AUTS2: variants seen among roughly 807,000 people sequenced by gnomAD.
AUTS2 encodes the protein autism susceptibility gene 2 protein.
Under a neutral mutation model 112.4 loss-of-function variants are expected in AUTS2, and 17 were observed. The observed-to-expected ratio is 0.15, with a 90% CI of 0.10 to 0.23. The LOEUF (loss-of-function observed/expected upper bound fraction) is 0.23, where lower values mean the gene tolerates loss of function less well. AUTS2 is among the 10% of genes least tolerant of loss of function. The pLI is 1.00. For synonymous variants in AUTS2, 751 were observed against 702.7 expected (o/e 1.07, Z -1.09); for missense variants, 1,510 against 1,701.6 (o/e 0.89, Z 1.98).
At chr7:70,670,910 G>A (rs1428562847) in intron 5 of AUTS2, among the ~76,000 whole-genome samples, 2 of 152,302 alleles carry the variant, frequency 1.3e-5, no homozygotes, top group South Asian at 2.1e-4. Flanking sequence ...GGTGGCTCAC[G>A]CATGTAGTCC....
chr7:70,656,429 A>G (rs1488184440), intron 5 of AUTS2, among the ~76,000 whole-genome samples: 4 of 151,644 alleles, frequency 2.6e-5, no homozygotes, highest in African/African-American at 7.3e-5. Context: ...AATATTATGT[A>G]TATAAAATTA....
At chr7:69,697,509 T>C (rs991212150) in intron 1 of AUTS2, among the ~76,000 whole-genome samples, 5 of 152,214 alleles carry the variant, frequency 3.3e-5, no homozygotes, top group East Asian at 3.9e-4. Flanking sequence ...GTAGGCTTTC[T>C]AGATTTGCTA....
Position 70,790,110 on chromosome 7 carries a change from G to C in AUTS2, c.2894G>C (p.Arg965Pro), listed in dbSNP as rs565156541. The C allele has an allele frequency of 2.4e-5, 38 of 1,596,508 alleles. No homozygotes were observed. The highest frequency in any genetic ancestry group is 3.2e-5 in the Non-Finnish European group (38 of 1,172,866). The stretch of plus-strand genomic sequence containing the variant: ...ACCTCGAGCCGGGAGGCCGAGCCGC[G>C]CAAGGGTGAGCCGGCCTACGAGAAC... ...NSTSSREAEPRKGEPAYENPK... is the reference protein window; with the variant it reads ...NSTSSREAEPPKGEPAYENPK... Residue 965 changes from arginine (R) to proline (P), a missense_variant, in exon 19 of 19, where the codon CGC becomes CCC. By Grantham distance (103) the Arg-to-Pro change is moderately radical. Around this residue, in one of 3 missense-constraint regions of AUTS2, gnomAD observed 788 missense variants for 797.6 expected, o/e 0.99. Coordinates refer to ENST00000342771, the MANE Select transcript of AUTS2 (RefSeq NM_015570.4). This position sits in a 1 kb window ranked among gnomAD's most constrained non-coding sequence, Gnocchi z 7.6.
chr7:70,612,227 C>T (rs1381523705), intron 5 of AUTS2, among the ~76,000 whole-genome samples: 2 of 152,200 alleles, frequency 1.3e-5, no homozygotes, highest in Admixed American at 6.5e-5. Flanking sequence ...TGAACCATCT[C>T]AGCATCAGAA....
intron 1 of AUTS2, among the ~76,000 whole-genome samples, chr7:69,672,606 C>T (rs569897950): frequency 2.6e-5 from 4 of 152,126 alleles, no homozygotes; most frequent in Non-Finnish European, 5.9e-5. Context: ...TAGAACATGT[C>T]GAGGAGAGGA....
intron 2 of AUTS2, among the ~76,000 whole-genome samples, chr7:69,997,737 G>A (rs1799011135): frequency 6.6e-6 from 1 of 152,108 alleles, no homozygotes; most frequent in African/African-American, 2.4e-5. Flanking sequence ...AGAACACCAA[G>A]CCATTCATGA....
intron 4 of AUTS2, among the ~76,000 whole-genome samples, chr7:70,296,774 G>T (rs141241184): frequency 2.5e-3 from 379 of 150,754 alleles, no homozygotes; most frequent in Middle Eastern, 6.9e-3. Flanking sequence ...ATTTCTTTTA[G>T]TTCTATTACT....
intron 2 of AUTS2, among the ~76,000 whole-genome samples, chr7:70,068,273 G>T (rs1358245191): frequency 6.6e-6 from 1 of 151,470 alleles, no homozygotes; most frequent in South Asian, 2.1e-4. Flanking sequence ...CCCATCCCAG[G>T]TTCACACCAT....
At chr7:70,310,164 G>A (rs998218261) in intron 4 of AUTS2, among the ~76,000 whole-genome samples, 4 of 148,990 alleles carry the variant, frequency 2.7e-5, no homozygotes, top group African/African-American at 7.4e-5. Context: ...AGATTTTCAC[G>A]TTTAGATGCC....
At chr7:70,377,333 T>A (rs1256326164) in intron 4 of AUTS2, among the ~76,000 whole-genome samples, 4 of 43,304 alleles carry the variant, frequency 9.2e-5, no homozygotes, top group Admixed American at 4.6e-4. Flanking sequence ...TAAATATATA[T>A]ATATATATAT....
chr7:70,739,068 C>T (rs1167628168), intron 6 of AUTS2, among the ~76,000 whole-genome samples: 3 of 118,150 alleles, frequency 2.5e-5, no homozygotes, highest in African/African-American at 9.8e-5. Context: ...CTCTGTTGCC[C>T]AGGCTGGAGC....
chr7:70,575,201 A>G (rs1802108750), intron 5 of AUTS2, among the ~76,000 whole-genome samples: 1 of 152,194 alleles, frequency 6.6e-6, no homozygotes, highest in Non-Finnish European at 1.5e-5. Flanking sequence ...GTTTTAATTA[A>G]ATCTACTGAG....
rs182690128 is a variant in AUTS2, at chr7:70,602,834, G to A, written c.691-95735G>A. On this transcript the variant is annotated intron_variant, in intron 5 of 18. Transcript: ENST00000342771. ...GATAATGATTTTCTTTCGTCTGTTC[G>A]CCCTGAGTTCTCTAGCGTATACCCT... is the stretch of plus-strand genomic sequence containing the variant. Among the ~76,000 whole-genome samples the A allele has an allele frequency of 4.6e-5, 7 of 152,246 alleles. No homozygotes were observed. In the East Asian group the frequency reaches 7.7e-4, roughly 17 times the overall value.
intron 1 of AUTS2, among the ~76,000 whole-genome samples, chr7:69,825,117 T>C (rs1791183140): frequency 6.6e-6 from 1 of 152,218 alleles, no homozygotes; most frequent in African/African-American, 2.4e-5. Context: ...TACATAGTTA[T>C]CTTTTTAATA....
chr7:70,495,148 T>C (rs529186595), intron 5 of AUTS2, among the ~76,000 whole-genome samples: 11 of 150,274 alleles, frequency 7.3e-5, no homozygotes, highest in Non-Finnish European at 1.6e-4. Flanking sequence ...CAAAAGTCTC[T>C]CAGTTACCCA....
intron 5 of AUTS2, among the ~76,000 whole-genome samples, chr7:70,475,597 C>T (rs1189391914): frequency 6.6e-6 from 1 of 152,194 alleles, no homozygotes; most frequent in Admixed American, 6.5e-5. Flanking sequence ...TCAATTACAA[C>T]TTACTAAGTC....
intron 1 of AUTS2, among the ~76,000 whole-genome samples, chr7:69,695,190 G>GAAA (rs1403815269): frequency 6.6e-5 from 10 of 151,992 alleles, no homozygotes; most frequent in Non-Finnish European, 1.3e-4. Flanking sequence ...AAAGTCACAT[G>GAAA]TGGTGGCACA....
At chr7:70,334,110 A>G (rs1007573315) in intron 4 of AUTS2, among the ~76,000 whole-genome samples, 2 of 152,198 alleles carry the variant, frequency 1.3e-5, no homozygotes, top group African/African-American at 4.8e-5. Context: ...CCCTGGGTAG[A>G]ACTTCCAGTG....
At chr7:70,561,428 C>T (rs1801481063) in intron 5 of AUTS2, among the ~76,000 whole-genome samples, 1 of 152,170 alleles carries the variant, frequency 6.6e-6, no homozygotes, top group Non-Finnish European at 1.5e-5. Context: ...AGCTTGAGGC[C>T]AGTCTGGGCA....
Sources: gnomAD v4.1 joint callset for allele counts (sites outside exome capture counted in the v4.1 genomes callset) on GRCh38, gnomAD v4.1.1 for gene constraint, gnomAD v4.1.1 regional missense constraint, Gnocchi (gnomAD v3.1) non-coding constraint, MANE v1.5 for transcripts, NCBI Gene and HGNC (gene_info 2026-07-23, HGNC 2026-07-21) for gene names.